The following GGNBP2 variants were observed in gnomAD, a reference collection of about 807,000 sequenced individuals.
GGNBP2 encodes gametogenetin binding protein 2.
In GGNBP2, 10 loss-of-function variants were observed where a neutral mutation model predicts 85.9. That is an observed-to-expected ratio of 0.12 (90% CI 0.07 to 0.20). The LOEUF is 0.20. Among genes scored for constraint, GGNBP2 ranks in the 10% least tolerant of loss-of-function variants. The probability of loss-of-function intolerance (pLI) is 1.00; values close to 1 mark genes in which losing one functional copy is unlikely to be tolerated. For missense variants in GGNBP2, 595 were observed against 857.8 expected, an observed-to-expected ratio of 0.69 and a Z score of 3.83; for synonymous variants, 287 against 285.7, an observed-to-expected ratio of 1.00 and a Z score of -0.05.
At chr17:36,548,788 C>T (rs1679602947) in intron 2 of GGNBP2, among the ~76,000 whole-genome samples, 1 of 151,648 alleles carries the variant, frequency 6.6e-6, no homozygotes, top group African/African-American at 2.4e-5. Context: ...TACTGAAATA[C>T]AAAAAAATCA....
At chr17:36,567,584 A>G in intron 5 of GGNBP2, 79 bp from the exon 6 acceptor site, 2 of 716,644 alleles carry the variant, frequency 2.8e-6, no homozygotes, top group Non-Finnish European at 4.9e-6. Flanking sequence ...AACAAGCAAT[A>G]CTTTAATCTG....
chr17:36,554,724 A>C (rs1005433133), intron 2 of GGNBP2, 96 bp from the exon 3 acceptor site: 4 of 843,254 alleles, frequency 4.7e-6, no homozygotes, highest in South Asian at 2.7e-5. Flanking sequence ...GATGGGTGCA[A>C]ATCTGGCTTT....
At chr17:36,574,939 A>G in intron 6 of GGNBP2, 1 of 1,147,926 alleles carries the variant, frequency 8.7e-7, no homozygotes, top group Non-Finnish European at 1.3e-6. Flanking sequence ...CGATGTGGCC[A>G]TTGTAGTCCA....
At chr17:36,564,068 A>AT (rs2074446343) in intron 5 of GGNBP2, among the ~76,000 whole-genome samples, 1 of 152,104 alleles carries the variant, frequency 6.6e-6, no homozygotes, top group Non-Finnish European at 1.5e-5. Flanking sequence ...TCTTTTAAAA[A>AT]TTTTTTATTT....
chr17:36,545,672 G>T lies in GGNBP2; in HGVS notation c.-53G>T, dbSNP rs1246360716. On this transcript the variant is annotated 5_prime_UTR_variant, in exon 2 of 14. Transcript: ENST00000613102. Reference sequence around the variant, plus strand: ...GGCGGCAGAAACAGCAGCGGCGGCGGCGGCGGCAGCTGGGAGGAGGTGGTG... The same window carrying T: ...GGCGGCAGAAACAGCAGCGGCGGCGTCGGCGGCAGCTGGGAGGAGGTGGTG... 1 of 1,387,638 alleles carries T rather than the reference G, an allele frequency of 7.2e-7. No homozygotes were observed. The highest frequency in any genetic ancestry group is 2.0e-5 in the Admixed American group (1 of 50,308). 86.0% of individuals were successfully genotyped at this position (1,387,638 alleles called of 1,614,324 possible). A position where few individuals can be genotyped will look rare whatever the true frequency, so the allele number is the denominator to read the frequency against.
chr17:36,546,619 C>G (rs192717871), intron 2 of GGNBP2: 1 of 152,182 alleles, frequency 6.6e-6, no homozygotes, highest in South Asian at 2.1e-4. Flanking sequence ...AAGGAAATGG[C>G]TGAAATTTGA....
At chr17:36,559,221 C>A (rs989890269) in intron 4 of GGNBP2, among the ~76,000 whole-genome samples, 3 of 145,064 alleles carry the variant, frequency 2.1e-5, no homozygotes, top group Non-Finnish European at 3.0e-5. Flanking sequence ...CGCTTGAACC[C>A]GGGAGGCGGA....
chr17:36,579,746 T>C lies in GGNBP2; in HGVS notation c.1020+327T>C, dbSNP rs1313030253. On this transcript the variant is annotated intron_variant, in intron 8 of 13. Transcript: ENST00000613102. ...ACTAGTGAGGCTGGGCATGGTGGCT[T>C]ACGCCTGTAATCCCAGCACTTTGGG... Among the ~76,000 whole-genome samples, 4 of 152,308 alleles carry C rather than the reference T, an allele frequency of 2.6e-5. No individual in the cohort carries two copies. The East Asian group carries it at 7.7e-4, about 29-fold the overall frequency.
chr17:36,578,179 G>A lies in GGNBP2; in HGVS notation c.838G>A (p.Ala280Thr). The A allele has an allele frequency of 2.5e-6, 4 of 1,608,150 alleles. No homozygotes were observed. The highest frequency in any genetic ancestry group is 1.1e-5 in the South Asian group (1 of 90,890). The change falls in exon 7 of 14, where the codon GCA becomes ACA. Residue 280 changes from alanine to threonine, a missense_variant. Around this residue, in one of 9 missense-constraint regions of GGNBP2, gnomAD observed 92 missense variants for 183.9 expected, o/e 0.50. Transcript: ENST00000613102. ...HLLGRAEPEF[A>T]GGRRERHAKT... ...TTTGGGTCGTGCTGAGCCAGAGTTC[G>A]CAGGAGGGTATGAGTATGTAATTTG...
chr17:36,572,701 C>G (rs1315462631), intron 6 of GGNBP2, among the ~76,000 whole-genome samples: 3 of 151,972 alleles, frequency 2.0e-5, no homozygotes, highest in Non-Finnish European at 4.4e-5. Context: ...CTCAAAAAAC[C>G]GTGAAACATA....
At chr17:36,547,792 T>C (rs759076860) in intron 2 of GGNBP2, 1 of 152,252 alleles carries the variant, frequency 6.6e-6, no homozygotes, top group Non-Finnish European at 1.5e-5. Context: ...GCAGTTTTTC[T>C]TTGCTTCAGA....
At chr17:36,575,216 C>T in intron 6 of GGNBP2, 1 of 640,024 alleles carries the variant, frequency 1.6e-6, no homozygotes, top group South Asian at 1.6e-5. Flanking sequence ...GCCGCGGCCT[C>T]AGCCCCAGCC....
rs2074737541 is a variant in GGNBP2, at chr17:36,589,509, T to A, written c.*98T>A. The A allele has an allele frequency of 2.5e-6, 2 of 816,106 alleles. No homozygotes were observed. Among genetic ancestry groups the A allele is most frequent in the Admixed American group, 2.2e-5 (1 of 44,450 alleles). The allele number at this position is 816,106 out of a possible 1,614,324, so 50.6% of individuals were successfully genotyped here. A position where few individuals can be genotyped will look rare whatever the true frequency, so the allele number is the denominator to read the frequency against. Reference sequence around the variant, plus strand: ...TAATTTAGTGACTTATGGCAAAATTTTATCTTAAATCAATGTGATTCTTTC... The same window carrying A: ...TAATTTAGTGACTTATGGCAAAATTATATCTTAAATCAATGTGATTCTTTC... On this transcript the variant is annotated 3_prime_UTR_variant, in exon 14 of 14. Transcript: ENST00000613102.
Position 36,586,096 on chromosome 17 carries a change from T to C in GGNBP2, c.1539T>C (p.Gly513=), listed in dbSNP as rs749926865. The C allele has an allele frequency of 1.2e-6, 2 of 1,614,102 alleles. No homozygotes were observed. Among genetic ancestry groups the C allele is most frequent in the Non-Finnish European group, 1.7e-6 (2 of 1,180,006 alleles). The change falls in exon 12 of 14, where the codon GGT becomes GGC. Residue 513 remains glycine, a synonymous_variant. Coordinates refer to ENST00000613102, the MANE Select transcript of GGNBP2 (RefSeq NM_024835.5). The part of the protein sequence containing the change: ...VHHCEDKEDD[G]DSCVECWANS... ...ACTGTGAAGACAAAGAGGATGATGG[T>C]GATAGTTGTGTTGAATGTTGGGCAA...
intron 6 of GGNBP2, among the ~76,000 whole-genome samples, chr17:36,572,059 A>G (rs1555606900): frequency 1.3e-5 from 2 of 151,948 alleles, no homozygotes; most frequent in African/African-American, 4.8e-5. Context: ...TCGAAAAAAA[A>G]AAGTTTTAAA....
chr17:36,561,141 T>G (rs1379709006), intron 5 of GGNBP2, among the ~76,000 whole-genome samples: 1 of 152,154 alleles, frequency 6.6e-6, no homozygotes, highest in Non-Finnish European at 1.5e-5. Context: ...TTTCTTTTTT[T>G]GAGACGGAGT....
At chr17:36,558,148 T>C (rs2074381299) in intron 4 of GGNBP2, among the ~76,000 whole-genome samples, 1 of 151,808 alleles carries the variant, frequency 6.6e-6, no homozygotes, top group African/African-American at 2.4e-5. Context: ...GCGCGGTGGC[T>C]CACGCCTATA....
intron 2 of GGNBP2, among the ~76,000 whole-genome samples, chr17:36,550,055 A>C (rs768196078): frequency 6.6e-6 from 1 of 151,878 alleles, no homozygotes; most frequent in Non-Finnish European, 1.5e-5. Flanking sequence ...CTTGGGCCTC[A>C]ACCTCCTGAG....
intron 13 of GGNBP2, among the ~76,000 whole-genome samples, chr17:36,587,970 C>T (rs994843665): frequency 6.6e-6 from 1 of 152,214 alleles, no homozygotes. Flanking sequence ...GCATTGTATT[C>T]AGTAGTCTGC....
Sources: gnomAD v4.1 joint callset for allele counts (sites outside exome capture counted in the v4.1 genomes callset) on GRCh38, gnomAD v4.1.1 for gene constraint, gnomAD v4.1.1 regional missense constraint, MANE v1.5 for transcripts, NCBI Gene and HGNC (gene_info 2026-07-23, HGNC 2026-07-21) for gene names.